The following CTNNA2 variants were observed in gnomAD, a reference collection of about 807,000 sequenced individuals.
CTNNA2 encodes catenin alpha-2.
CTNNA2 carries 42 observed loss-of-function variants against 101.0 expected under a neutral mutation model. The ratio of observed to expected loss-of-function variants is 0.42; its 90% CI spans 0.32 to 0.54. The LOEUF (loss-of-function observed/expected upper bound fraction) is 0.54, where lower values mean the gene tolerates loss of function less well. Among genes scored for constraint, CTNNA2 ranks in the 20% least tolerant of loss-of-function variants. The pLI, the probability that CTNNA2 is intolerant of heterozygous loss-of-function variation, is 0.14. For synonymous variants in CTNNA2, 450 were observed against 456.4 expected, an observed-to-expected ratio of 0.99 and a Z score of 0.18; for missense variants, 871 against 1,223.1, an observed-to-expected ratio of 0.71 and a Z score of 4.29.
At chr2:80,555,571 G>T in intron 11 of CTNNA2, 122 bp from the exon 12 acceptor site, 1 of 484,820 alleles carries the variant, frequency 2.1e-6, no homozygotes. Context: ...TACAATTTTA[G>T]TATTATTAGG....
chr2:80,226,057 G>A (rs1345414722), intron 7 of CTNNA2, among the ~76,000 whole-genome samples: 2 of 152,176 alleles, frequency 1.3e-5, no homozygotes, highest in African/African-American at 4.8e-5. Context: ...TCCTCCAAAA[G>A]TTTAATAATC....
chr2:79,764,599 C>A (rs1673012921), intron 3 of CTNNA2, among the ~76,000 whole-genome samples: 1 of 152,152 alleles, frequency 6.6e-6, no homozygotes, highest in Non-Finnish European at 1.5e-5. Flanking sequence ...ACAGGATTTG[C>A]ATTCCTTGAT....
chr2:79,551,164 C>G (rs998560634), intron 1 of CTNNA2, among the ~76,000 whole-genome samples: 1 of 152,218 alleles, frequency 6.6e-6, no homozygotes, highest in Non-Finnish European at 1.5e-5. Context: ...AATTTGGAAG[C>G]TTATTTTGCC....
chr2:80,300,077 A>G (rs1183662287), intron 7 of CTNNA2, among the ~76,000 whole-genome samples: 1 of 152,136 alleles, frequency 6.6e-6, no homozygotes, highest in African/African-American at 2.4e-5. Flanking sequence ...TTGGAGTGGT[A>G]TGCTATTTAG....
chr2:79,335,983 G>A (rs573058613), intron 3 of CTNNA2, among the ~76,000 whole-genome samples: 10 of 152,216 alleles, frequency 6.6e-5, no homozygotes, highest in Non-Finnish European at 1.5e-4. Context: ...GTCACGTTAG[G>A]GAGAGATCAA....
intron 1 of CTNNA2, among the ~76,000 whole-genome samples, chr2:79,591,557 A>G (rs1479915965): frequency 6.6e-6 from 1 of 152,214 alleles, no homozygotes; most frequent in Non-Finnish European, 1.5e-5. Flanking sequence ...TATTCCAGTT[A>G]TGTATTTCTT....
intron 7 of CTNNA2, among the ~76,000 whole-genome samples, chr2:80,096,173 G>A (rs1327891003): frequency 1.3e-5 from 2 of 151,482 alleles, no homozygotes; most frequent in African/African-American, 4.9e-5. Flanking sequence ...ACACTGCTTT[G>A]AATGTGTCCC....
chr2:80,641,791 A>G (rs1004992048), intron 18 of CTNNA2, among the ~76,000 whole-genome samples: 2 of 150,618 alleles, frequency 1.3e-5, no homozygotes, highest in Admixed American at 1.3e-4. Context: ...TTAGATTATT[A>G]AAAGGATATT....
chr2:79,895,173 C>T (rs991117952), intron 6 of CTNNA2, among the ~76,000 whole-genome samples: 1 of 152,176 alleles, frequency 6.6e-6, no homozygotes, highest in Non-Finnish European at 1.5e-5. Context: ...GAGAACATGA[C>T]ATTCTCATTA....
At chr2:79,752,241 T>C (rs1198063028) in intron 3 of CTNNA2, among the ~76,000 whole-genome samples, 3 of 151,906 alleles carry the variant, frequency 2.0e-5, no homozygotes, top group East Asian at 3.9e-4. Flanking sequence ...GAAGTAGAAC[T>C]AAATTAGGGA....
rs1027530995 is a variant in CTNNA2 at position 79,695,944 on chromosome 2, A to T, written c.102+44286A>T. On this transcript the variant is annotated intron_variant, in intron 2 of 18. Transcript: ENST00000402739. ...TTGGCCAATATTTGCCAGAGGCAGCATTGATGGCTAAACTTTTATTTTTTC... is the reference window on the plus strand; with the variant it reads ...TTGGCCAATATTTGCCAGAGGCAGCTTTGATGGCTAAACTTTTATTTTTTC... Among the ~76,000 whole-genome samples, 9 of 152,034 alleles carry T rather than the reference A, an allele frequency of 5.9e-5. No homozygotes were observed. The South Asian group carries it at 8.3e-4, about 14-fold the overall frequency.
chr2:80,530,074 A>G (rs1690398107), intron 9 of CTNNA2, among the ~76,000 whole-genome samples: 1 of 152,134 alleles, frequency 6.6e-6, no homozygotes, highest in Non-Finnish European at 1.5e-5. Context: ...TCTGTGGTCC[A>G]CTACTGACCA....
At chr2:80,081,151 C>A (rs1367782138) in intron 7 of CTNNA2, among the ~76,000 whole-genome samples, 1 of 151,236 alleles carries the variant, frequency 6.6e-6, no homozygotes, top group Non-Finnish European at 1.5e-5. Context: ...AAAGAACTTC[C>A]CCTTAATAAA....
At chr2:79,858,220 G>A (rs1681295942) in intron 4 of CTNNA2, 41 bp downstream of exon 4, 1 of 1,520,234 alleles carries the variant, frequency 6.6e-7, no homozygotes, top group African/African-American at 1.4e-5. Context: ...TTATGTGAGT[G>A]GCAATCTTGA....
At chr2:79,655,146 A>G (rs1489293121) in intron 2 of CTNNA2, among the ~76,000 whole-genome samples, 2 of 152,214 alleles carry the variant, frequency 1.3e-5, no homozygotes, top group African/African-American at 4.8e-5. Context: ...TTGGAGTCAG[A>G]ACAATCTGGT....
chr2:79,670,900 C>A (rs1478997898), intron 2 of CTNNA2, among the ~76,000 whole-genome samples: 2 of 152,176 alleles, frequency 1.3e-5, no homozygotes, highest in African/African-American at 4.8e-5. Context: ...TTTCTTCACT[C>A]AAAATCAAGA....
At position 80,299,998 on chromosome 2, in the gene CTNNA2, G is replaced by A. The variant is rs796603968; in HGVS notation, c.1057-93213G>A. 3.9e-4 allele frequency among the ~76,000 whole-genome samples: 60 copies of A among 152,266 alleles called. 1 individual carries two copies. Among genetic ancestry groups the A allele is most frequent in the African/African-American group, 1.3e-3 (55 of 41,532 alleles). ...AAAAAAGGTATGCCGTCTTCTAGAG[G>A]AGGTCGCTTTAGTAGGGTTTTAGGT... On this transcript the variant is annotated intron_variant, in intron 7 of 18. Coordinates refer to ENST00000402739, the MANE Select transcript of CTNNA2 (RefSeq NM_001282597.3).
At chr2:79,877,591 C>T (rs1230697582) in intron 6 of CTNNA2, among the ~76,000 whole-genome samples, 2 of 152,092 alleles carry the variant, frequency 1.3e-5, no homozygotes, top group Non-Finnish European at 2.9e-5. Context: ...AATTCATGGA[C>T]ATCTGTCATG....
intron 7 of CTNNA2, among the ~76,000 whole-genome samples, chr2:80,224,854 C>T (rs1205283334): frequency 1.3e-5 from 2 of 151,702 alleles, no homozygotes. Flanking sequence ...TTTTTCTTTC[C>T]CACACCTTTC....
Sources: gnomAD v4.1 joint callset for allele counts (sites outside exome capture counted in the v4.1 genomes callset) on GRCh38, gnomAD v4.1.1 for gene constraint, MANE v1.5 for transcripts, NCBI Gene and HGNC (gene_info 2026-07-23, HGNC 2026-07-21) for gene names.